Variants in ZCCHC7 observed in about 807,000 individuals in gnomAD.
ZCCHC7 encodes the protein zinc finger CCHC domain-containing protein 7.
A neutral mutation model predicts 52.0 loss-of-function variants in ZCCHC7; 35 were observed. The ratio of observed to expected loss-of-function variants is 0.67; its 90% CI spans 0.51 to 0.89. The LOEUF is 0.89. ZCCHC7 is among the 40% of genes least tolerant of loss of function. The pLI, the probability that ZCCHC7 is intolerant of heterozygous loss-of-function variation, is 0.00. For synonymous variants in ZCCHC7, 217 were observed against 221.5 expected, an observed-to-expected ratio of 0.98 and a Z score of 0.18; for missense variants, 574 against 649.1, an observed-to-expected ratio of 0.88 and a Z score of 1.26.
intron 6 of ZCCHC7, among the ~76,000 whole-genome samples, chr9:37,339,445 G>A (rs1830825145): frequency 6.6e-6 from 1 of 152,148 alleles, no homozygotes; most frequent in African/African-American, 2.4e-5. Context: ...TTGTCTCACA[G>A]CCTCTGCTTT....
In ZCCHC7 at chr9:37,259,924, C is replaced by T. The variant is rs536983722; in HGVS notation, c.611-42264C>T. On this transcript the variant is annotated intron_variant, in intron 2 of 8. Coordinates refer to ENST00000336755, the MANE Select transcript of ZCCHC7 (RefSeq NM_032226.3). ...TTCATTAAAACAGTTGGTTCTCATA[C>T]AAAAATATTGTTCTTTTCAACCAAA... Among the ~76,000 whole-genome samples the T allele has an allele frequency of 9.9e-5, 15 of 152,264 alleles. No individual in the cohort carries two copies. In the East Asian group the frequency reaches 2.9e-3, roughly 29 times the overall value.
intron 2 of ZCCHC7, among the ~76,000 whole-genome samples, chr9:37,171,336 A>G (rs920895960): frequency 6.6e-6 from 1 of 152,216 alleles, no homozygotes; most frequent in African/African-American, 2.4e-5. Context: ...GTGAGTTGTT[A>G]GCTTGTTTGT....
chr9:37,211,706 G>A (rs185870512), intron 2 of ZCCHC7, among the ~76,000 whole-genome samples: 1 of 152,250 alleles, frequency 6.6e-6, no homozygotes, highest in East Asian at 1.9e-4. Flanking sequence ...TGTTGCTAGT[G>A]TAAAACATTA....
intron 2 of ZCCHC7, among the ~76,000 whole-genome samples, chr9:37,199,646 TTC>T (rs1823499851): frequency 7.0e-6 from 1 of 143,424 alleles, no homozygotes; most frequent in African/African-American, 2.7e-5. Context: ...CTGTTTCTTT[TTC>T]TGTCTGTCTG....
chr9:37,226,712 A>G (rs1825124117), intron 2 of ZCCHC7, among the ~76,000 whole-genome samples: 1 of 152,200 alleles, frequency 6.6e-6, no homozygotes, highest in African/African-American at 2.4e-5. Context: ...TTTAAATGTA[A>G]GAATTATATG....
rs543387799 is a variant in ZCCHC7 at position 37,139,502 on chromosome 9, A to G, written c.610+12560A>G. 9.2e-5 allele frequency among the ~76,000 whole-genome samples: 14 copies of G among 152,114 alleles called. No individual in the cohort carries two copies. The South Asian group carries it at 2.1e-3, about 23-fold the overall frequency. On this transcript the variant is annotated intron_variant, in intron 2 of 8. Transcript: ENST00000336755. ...TGTAGATTTGGATTCTAAATGTAAT[A>G]ATTATTTTAAAGTGGATCTTGTCTG...
chr9:37,265,378 C>T (rs1025819673), intron 2 of ZCCHC7, among the ~76,000 whole-genome samples: 2 of 152,124 alleles, frequency 1.3e-5, no homozygotes, highest in East Asian at 1.9e-4. Flanking sequence ...CTAGGATCAG[C>T]GAATTGGAGA....
chr9:37,252,798 A>T (rs913043344), intron 2 of ZCCHC7, among the ~76,000 whole-genome samples: 1 of 152,160 alleles, frequency 6.6e-6, no homozygotes, highest in African/African-American at 2.4e-5. Context: ...ACCATCCTGT[A>T]ATACCAACAT....
chr9:37,311,980 A>G (rs927319921), intron 5 of ZCCHC7, among the ~76,000 whole-genome samples: 6 of 152,222 alleles, frequency 3.9e-5, no homozygotes, highest in Non-Finnish European at 8.8e-5. Flanking sequence ...CAAATCCAGA[A>G]TGGAGAGTTA....
At chr9:37,254,692 C>T (rs1322588514) in intron 2 of ZCCHC7, among the ~76,000 whole-genome samples, 1 of 151,910 alleles carries the variant, frequency 6.6e-6, no homozygotes, top group African/African-American at 2.4e-5. Context: ...AAAGTACATA[C>T]GAGTTGAGTA....
chr9:37,302,361 A>T, intron 3 of ZCCHC7, 130 bp downstream of exon 3: 1 of 714,670 alleles, frequency 1.4e-6, no homozygotes, highest in Non-Finnish European at 2.3e-6. Flanking sequence ...CATATGAGTG[A>T]TTTAACTCTT....
chr9:37,304,105 T>C (rs1371237306), intron 3 of ZCCHC7, 83 bp from the exon 4 acceptor site: 10 of 1,336,788 alleles, frequency 7.5e-6, no homozygotes, highest in Non-Finnish European at 9.3e-6. Context: ...TATTTGCTTA[T>C]AGTTGTCTTT....
chr9:37,285,191 T>C (rs1232319703), intron 2 of ZCCHC7, among the ~76,000 whole-genome samples: 1 of 152,184 alleles, frequency 6.6e-6, no homozygotes, highest in African/African-American at 2.4e-5. Flanking sequence ...CCATTTGAGT[T>C]GGTTTCTATG....
intron 2 of ZCCHC7, among the ~76,000 whole-genome samples, chr9:37,259,623 G>A (rs1214585868): frequency 6.6e-6 from 1 of 152,096 alleles, no homozygotes; most frequent in Non-Finnish European, 1.5e-5. Flanking sequence ...AGAACATCTA[G>A]AGCTAATTTT....
chr9:37,242,671 T>C (rs1165317629), intron 2 of ZCCHC7, among the ~76,000 whole-genome samples: 1 of 151,830 alleles, frequency 6.6e-6, no homozygotes, highest in Non-Finnish European at 1.5e-5. Context: ...GTGAAGCTCT[T>C]ATTAAAAATG....
At chr9:37,274,167 A>G (rs1401378409) in intron 2 of ZCCHC7, among the ~76,000 whole-genome samples, 2 of 152,078 alleles carry the variant, frequency 1.3e-5, no homozygotes, top group African/African-American at 2.4e-5. Flanking sequence ...CATTAGCTTT[A>G]TAATCATTTG....
intron 5 of ZCCHC7, among the ~76,000 whole-genome samples, chr9:37,318,804 T>A (rs952576434): frequency 5.3e-5 from 8 of 151,864 alleles, no homozygotes; most frequent in Admixed American, 2.6e-4. Context: ...TCCCTCCTAC[T>A]TGGGAGGCTG....
At chr9:37,304,809 T>C (rs1829225738) in intron 4 of ZCCHC7, among the ~76,000 whole-genome samples, 1 of 152,208 alleles carries the variant, frequency 6.6e-6, no homozygotes, top group Non-Finnish European at 1.5e-5. Context: ...CAATTTTAAC[T>C]TATCATTACT....
chr9:37,250,300 C>CT (rs1220457810), intron 2 of ZCCHC7, among the ~76,000 whole-genome samples: 21,772 of 132,388 alleles, frequency 0.16, 1,965 homozygotes, highest in Non-Finnish European at 0.18. Context: ...CTTTCTCTCT[C>CT]TTTTTTTTTT....
Sources: gnomAD v4.1 joint callset for allele counts (sites outside exome capture counted in the v4.1 genomes callset) on GRCh38, gnomAD v4.1.1 for gene constraint, MANE v1.5 for transcripts, NCBI Gene and HGNC (gene_info 2026-07-23, HGNC 2026-07-21) for gene names.